The following DUSP16 variants were observed in gnomAD, a reference collection of about 807,000 sequenced individuals.
DUSP16 encodes dual specificity protein phosphatase 16.
In DUSP16, 21 loss-of-function variants were observed where a neutral mutation model predicts 58.3. The ratio of observed to expected loss-of-function variants is 0.36; its 90% confidence interval spans 0.26 to 0.52. DUSP16 has a LOEUF of 0.52. DUSP16 is among the 20% of genes least tolerant of loss of function. The probability of loss-of-function intolerance (pLI) is 0.94; values close to 1 mark genes in which losing one functional copy is unlikely to be tolerated. For synonymous variants in DUSP16, 320 were observed against 323.8 expected, an observed-to-expected ratio of 0.99 and a Z score of 0.12; for missense variants, 726 against 819.0, an observed-to-expected ratio of 0.89 and a Z score of 1.39.
At chr12:12,493,280 C>T (rs1943786204) in intron 4 of DUSP16, among the ~76,000 whole-genome samples, 1 of 152,104 alleles carries the variant, frequency 6.6e-6, no homozygotes, top group Admixed American at 6.5e-5. Flanking sequence ...CTCTTTTTCA[C>T]ACACCCCTAC....
intron 3 of DUSP16, among the ~76,000 whole-genome samples, chr12:12,512,835 A>G (rs1318912704): frequency 6.6e-6 from 1 of 152,214 alleles, no homozygotes; most frequent in Admixed American, 6.5e-5. Context: ...CAAGTTCTAC[A>G]GGATTCGAAA....
intron 4 of DUSP16, among the ~76,000 whole-genome samples, chr12:12,494,871 A>G (rs1300382354): frequency 6.6e-6 from 1 of 152,194 alleles, no homozygotes; most frequent in Non-Finnish European, 1.5e-5. Context: ...CGATTTATTA[A>G]AGCAAACTCC....
chr12:12,484,966 G>A (rs1003164850), intron 5 of DUSP16, among the ~76,000 whole-genome samples: 1 of 150,306 alleles, frequency 6.7e-6, no homozygotes, highest in East Asian at 2.0e-4. Context: ...TTTTTTAGAA[G>A]TACAATGGGA....
intron 3 of DUSP16, among the ~76,000 whole-genome samples, chr12:12,516,469 G>A (rs915384517): frequency 2.6e-5 from 4 of 152,168 alleles, no homozygotes; most frequent in African/African-American, 9.7e-5. Flanking sequence ...ATGAATTCAA[G>A]GACTTGCGTA....
intron 5 of DUSP16, among the ~76,000 whole-genome samples, chr12:12,486,423 A>G (rs1251434070): frequency 6.6e-6 from 1 of 151,858 alleles, no homozygotes; most frequent in Non-Finnish European, 1.5e-5. Flanking sequence ...GAAGCACAAC[A>G]AAGTATGGCA....
At chr12:12,508,300 T>A (rs56015540) in intron 3 of DUSP16, among the ~76,000 whole-genome samples, 10,028 of 151,442 alleles carry the variant, frequency 0.066, 440 homozygotes, top group Non-Finnish European at 0.094. Context: ...ACAGTAAACA[T>A]GGAGAGTTGA....
Position 12,500,603 on chromosome 12 carries a change from C to A in DUSP16, c.447G>T (p.Gln149His). ...KSTLVPTCIS[Q>H]PCLPVANIGP... ...CAATGTTGGCAACAGGTAAGCAAGG[C>A]TGAGAAATGCAGGTAGGGACTAGAG... Residue 149 changes from glutamine to histidine, a missense_variant, in exon 4 of 7, where the codon CAG (glutamine) becomes CAT (histidine). Coordinates refer to ENST00000298573, the MANE Select transcript of DUSP16 (RefSeq NM_030640.3). The A allele has an allele frequency of 6.2e-7, 1 of 1,611,954 alleles. No homozygotes were observed. Among genetic ancestry groups the A allele is most frequent in the Non-Finnish European group, 8.5e-7 (1 of 1,179,130 alleles).
chr12:12,500,732 A>T lies in DUSP16; in HGVS notation c.368-50T>A, dbSNP rs188699962. ...TAAAAAATTATGCCACGCACAAAATAAAAACCAGCTTTCTGTGAACTGCTC... is the reference window on the plus strand; with the variant it reads ...TAAAAAATTATGCCACGCACAAAATTAAAACCAGCTTTCTGTGAACTGCTC... On this transcript the variant is annotated intron_variant, in intron 3 of 6. Transcript: ENST00000298573. The T allele has an allele frequency of 5.9e-5, 86 of 1,452,678 alleles. No homozygotes were observed. The African/African-American group carries it at 1.2e-3, about 20-fold the overall frequency. The allele number at this position is 1,452,678 out of a possible 1,614,324, so 90.0% of individuals were successfully genotyped here.
chr12:12,522,004 A>G (rs1944244223), intron 1 of DUSP16, among the ~76,000 whole-genome samples: 1 of 152,214 alleles, frequency 6.6e-6, no homozygotes, highest in Non-Finnish European at 1.5e-5. Flanking sequence ...CAGGGCGCAA[A>G]CAGCAGCCTT....
At chr12:12,555,909 C>T (rs1444245299) in intron 1 of DUSP16, among the ~76,000 whole-genome samples, 4 of 152,196 alleles carry the variant, frequency 2.6e-5, no homozygotes, top group African/African-American at 9.6e-5. Context: ...GGTATAGTTG[C>T]ACATGCCTAT....
chr12:12,484,376 G>GA (rs1943637643), intron 5 of DUSP16, among the ~76,000 whole-genome samples: 1 of 152,278 alleles, frequency 6.6e-6, no homozygotes, highest in South Asian at 2.1e-4. Flanking sequence ...TTGTATGAAT[G>GA]AAAGTGGCAG....
intron 1 of DUSP16, among the ~76,000 whole-genome samples, chr12:12,551,316 A>T (rs1282917265): frequency 6.6e-6 from 1 of 152,036 alleles, no homozygotes; most frequent in African/African-American, 2.4e-5. Context: ...AGCCTAACCA[A>T]CATGGCGAAA....
intron 1 of DUSP16, among the ~76,000 whole-genome samples, chr12:12,535,636 G>C (rs1237985641): frequency 1.3e-5 from 2 of 152,180 alleles, no homozygotes; most frequent in African/African-American, 2.4e-5. Context: ...CAGGGAAAAA[G>C]AGAATTGATG....
intron 1 of DUSP16, among the ~76,000 whole-genome samples, chr12:12,526,518 G>C (rs977020912): frequency 6.6e-6 from 1 of 152,204 alleles, no homozygotes; most frequent in Non-Finnish European, 1.5e-5. Context: ...GGTAGGGCCT[G>C]TTTCAACTAA....
intron 4 of DUSP16, among the ~76,000 whole-genome samples, chr12:12,497,768 G>C (rs960725315): frequency 1.3e-5 from 2 of 151,908 alleles, no homozygotes; most frequent in Non-Finnish European, 2.9e-5. Context: ...TCAGGAGATC[G>C]AGACCATCCT....
chr12:12,543,735 A>T (rs1450307929), intron 1 of DUSP16, among the ~76,000 whole-genome samples: 3 of 152,100 alleles, frequency 2.0e-5, no homozygotes, highest in African/African-American at 7.2e-5. Flanking sequence ...TTGTGAAGAG[A>T]AAAAAAGAAT....
intron 3 of DUSP16, among the ~76,000 whole-genome samples, chr12:12,504,894 C>A (rs1175365008): frequency 1.3e-5 from 2 of 151,858 alleles, no homozygotes; most frequent in Non-Finnish European, 2.9e-5. Flanking sequence ...TACATACATA[C>A]ATCCAACAAA....
chr12:12,490,775 T>C (rs934555250), intron 4 of DUSP16, among the ~76,000 whole-genome samples: 2 of 152,184 alleles, frequency 1.3e-5, no homozygotes, highest in African/African-American at 4.8e-5. Context: ...CCCCAAATAC[T>C]TTACAGCTCC....
chr12:12,507,704 G>T (rs186542694), intron 3 of DUSP16, among the ~76,000 whole-genome samples: 1 of 152,166 alleles, frequency 6.6e-6, no homozygotes, highest in Non-Finnish European at 1.5e-5. Flanking sequence ...CCACCTCCCG[G>T]GTTCAAGCAA....
Sources: gnomAD v4.1 joint callset for allele counts (sites outside exome capture counted in the v4.1 genomes callset) on GRCh38, gnomAD v4.1.1 for gene constraint, MANE v1.5 for transcripts, NCBI Gene and HGNC (gene_info 2026-07-23, HGNC 2026-07-21) for gene names.